The following DNAH8 variants were observed in gnomAD, a reference collection of about 807,000 sequenced individuals.
DNAH8 encodes the protein axonemal beta dynein heavy chain 8.
In DNAH8, 382 loss-of-function variants were observed where a neutral mutation model predicts 562.1. The observed-to-expected ratio is 0.68, with a 90% confidence interval of 0.63 to 0.74. The LOEUF is 0.74. Among genes scored for constraint, DNAH8 ranks in the 30% least tolerant of loss-of-function variants. The probability of loss-of-function intolerance (pLI) is 0.00; values close to 1 mark genes in which losing one functional copy is unlikely to be tolerated. For synonymous variants in DNAH8, 1,881 were observed against 1,919.4 expected (o/e 0.98, Z 0.52); for missense variants, 5,203 against 5,620.4 (o/e 0.93, Z 2.37).
At chr6:38,861,515 T>C (rs1776616592) in intron 43 of DNAH8, among the ~76,000 whole-genome samples, 1 of 152,210 alleles carries the variant, frequency 6.6e-6, no homozygotes, top group African/African-American at 2.4e-5. Context: ...TTATTTACAG[T>C]GGTGTGCTGG....
rs777914905 is a variant in DNAH8 at position 38,845,699 on chromosome 6, A to G, written c.4971A>G (p.Lys1657=). The G allele has an allele frequency of 3.1e-6, 5 of 1,614,062 alleles. No individual in the cohort carries two copies. Among genetic ancestry groups the G allele is most frequent in the Admixed American group, 1.7e-5 (1 of 60,012 alleles). The change falls in exon 36 of 93, where the codon AAA becomes AAG. Residue 1657 remains lysine (K), a synonymous_variant. Transcript: ENST00000327475. The stretch of plus-strand genomic sequence containing the variant: ...AGGGAAAAGGAGAGCTCCTGCTCAA[A>G]GGAACCGAATCGGGAGAAATTATCA... The part of the protein sequence containing the change: ...AFKGKGELLL[K]GTESGEIITL...
chr6:38,782,260 TTTTATTTATTTTTTAAATATTTA>T (rs1245942017), intron 16 of DNAH8, among the ~76,000 whole-genome samples: 1 of 136,466 alleles, frequency 7.3e-6, no homozygotes, highest in Non-Finnish European at 1.5e-5. Context: ...AATAAAGAAA[TTTTATTTATTTTTTAAATATTTA>T]TTTATTTATT....
Position 38,951,534 on chromosome 6 carries a change from T to G in DNAH8, c.12451+14T>G. On this transcript the variant is annotated intron_variant, in intron 82 of 92. Coordinates refer to ENST00000327475, the MANE Select transcript of DNAH8 (RefSeq NM_001206927.2). ...AACTGAAACTGGGTAAGACTAGCAATCTACAAAATGTAGCAACACTTCCAT... is the reference window on the plus strand; with the variant it reads ...AACTGAAACTGGGTAAGACTAGCAAGCTACAAAATGTAGCAACACTTCCAT... The G allele has an allele frequency of 6.3e-7, 1 of 1,597,732 alleles. No homozygotes were observed. Among genetic ancestry groups the G allele is most frequent in the Non-Finnish European group, 8.5e-7 (1 of 1,170,322 alleles).
chr6:38,904,973 G>GATCTGGAC (rs1417383445), intron 62 of DNAH8, among the ~76,000 whole-genome samples: 4 of 152,086 alleles, frequency 2.6e-5, no homozygotes, highest in African/African-American at 9.7e-5. Context: ...GAGAGGTCAG[G>GATCTGGAC]ATCTGGACAA....
Position 38,848,700 on chromosome 6 carries a change from A to G in DNAH8, c.5098A>G (p.Thr1700Ala), listed in dbSNP as rs1188062472. Residue 1700 changes from threonine to alanine, a missense_variant, in exon 37 of 93, where the codon ACT becomes GCT. By Grantham distance (58) the Thr-to-Ala change is moderately conservative. Around this residue, in one of 6 missense-constraint regions of DNAH8, gnomAD observed 2,176 missense variants for 2,365.1 expected, o/e 0.92. Coordinates refer to ENST00000327475, the MANE Select transcript of DNAH8 (RefSeq NM_001206927.2). ...NIQNWVYKLSTSSDIIEEWLV... is the reference protein window; with the variant it reads ...NIQNWVYKLSASSDIIEEWLV... The stretch of plus-strand genomic sequence containing the variant: ...CCAGAATTGGGTGTATAAATTGTCC[A>G]CTTCCTCAGATATAATTGAAGAGTG... 10 of 1,612,430 alleles carry G rather than the reference A, an allele frequency of 6.2e-6. No individual in the cohort carries two copies. Among genetic ancestry groups the G allele is most frequent in the Admixed American group, 3.3e-5 (2 of 59,970 alleles).
Position 38,921,391 on chromosome 6 carries a change from G to T in DNAH8, c.10547G>T (p.Gly3516Val), listed in dbSNP as rs751256547. Residue 3516 changes from glycine to valine, a missense_variant, in exon 71 of 93, where the codon GGC becomes GTC. Transcript: ENST00000327475. ...CAGGCCAACCTGGCCAAGCAGGAAG[G>T]CCGGTTAGCAGTTGCTAATGCTGAG... ...PLKANLAKQE[G>V]RLAVANAELG... 14 of 1,613,638 alleles carry T rather than the reference G, an allele frequency of 8.7e-6. No homozygotes were observed. Among genetic ancestry groups the T allele is most frequent in the Non-Finnish European group, 1.1e-5 (13 of 1,179,816 alleles).
chr6:38,799,931 A>T (rs566762986), intron 21 of DNAH8, among the ~76,000 whole-genome samples: 36 of 152,312 alleles, frequency 2.4e-4, no homozygotes, highest in African/African-American at 8.7e-4. Flanking sequence ...TAGCCTATAT[A>T]TCAGAACTTA....
intron 21 of DNAH8, among the ~76,000 whole-genome samples, chr6:38,797,652 A>G (rs887737272): frequency 1.3e-5 from 2 of 152,208 alleles, no homozygotes; most frequent in Admixed American, 6.5e-5. Context: ...CTGCAAAGTC[A>G]TAAAGTAGAT....
intron 82 of DNAH8, among the ~76,000 whole-genome samples, chr6:38,961,527 A>T (rs1762602572): frequency 6.6e-6 from 1 of 152,052 alleles, no homozygotes; most frequent in African/African-American, 2.4e-5. Context: ...GTTGGAACAC[A>T]TGGGCAAATA....
At chr6:39,021,845 C>T (rs1004830855) in intron 91 of DNAH8, among the ~76,000 whole-genome samples, 2 of 152,134 alleles carry the variant, frequency 1.3e-5, no homozygotes, top group African/African-American at 4.8e-5. Flanking sequence ...AAATGCCAAC[C>T]AACTCCTTAT....
intron 74 of DNAH8, among the ~76,000 whole-genome samples, chr6:38,927,468 A>G (rs1561873507): frequency 6.6e-6 from 1 of 152,198 alleles, no homozygotes. Context: ...CCTAGAATGG[A>G]CCAGGCAATG....
intron 26 of DNAH8, among the ~76,000 whole-genome samples, chr6:38,821,799 C>T (rs944205015): frequency 1.3e-5 from 2 of 152,278 alleles, no homozygotes; most frequent in Non-Finnish European, 2.9e-5. Flanking sequence ...TGGACTCAAA[C>T]GATCTCCCCG....
intron 33 of DNAH8, 92 bp from the exon 34 acceptor site, chr6:38,842,276 G>A: frequency 9.7e-7 from 1 of 1,035,098 alleles, no homozygotes; most frequent in East Asian, 2.4e-5. Flanking sequence ...CGCAATGTAT[G>A]AAATATTTGA....
At chr6:38,775,060 T>C (rs1186739150) in intron 12 of DNAH8, among the ~76,000 whole-genome samples, 2 of 152,202 alleles carry the variant, frequency 1.3e-5, no homozygotes, top group African/African-American at 4.8e-5. Flanking sequence ...TCTCTGAAAA[T>C]AGGTTTATTC....
At chr6:38,860,068 T>C (rs2179713) in intron 42 of DNAH8, among the ~76,000 whole-genome samples, 64,168 of 152,032 alleles carry the variant, frequency 0.42, 14,189 homozygotes, top group East Asian at 0.69. Flanking sequence ...TCCCCGCTCC[T>C]GGTGGCCCTG....
intron 24 of DNAH8, among the ~76,000 whole-genome samples, chr6:38,813,650 G>A (rs566510100): frequency 2.0e-5 from 3 of 152,052 alleles, no homozygotes; most frequent in South Asian, 2.1e-4. Context: ...GTTTAACAAC[G>A]CGGTTTTTGG....
chr6:38,934,104 G>A (rs1017054948), intron 76 of DNAH8, among the ~76,000 whole-genome samples: 2 of 152,154 alleles, frequency 1.3e-5, no homozygotes, highest in Admixed American at 6.6e-5. Flanking sequence ...TGTATTCCTA[G>A]CACTTTGGAA....
At chr6:38,736,409 C>T (rs1781728) in intron 5 of DNAH8, among the ~76,000 whole-genome samples, 39,637 of 151,934 alleles carry the variant, frequency 0.26, 6,033 homozygotes, top group Middle Eastern at 0.35. Context: ...TGACTGATGG[C>T]GCAGAAGCAA....
chr6:38,937,635 T>G (rs1175894726), intron 77 of DNAH8, among the ~76,000 whole-genome samples: 2 of 152,056 alleles, frequency 1.3e-5, no homozygotes, highest in African/African-American at 4.8e-5. Context: ...ACAGTGGGTG[T>G]GAAGCCTATC....
Sources: gnomAD v4.1 joint callset for allele counts (sites outside exome capture counted in the v4.1 genomes callset) on GRCh38, gnomAD v4.1.1 for gene constraint, gnomAD v4.1.1 regional missense constraint, MANE v1.5 for transcripts, NCBI Gene and HGNC (gene_info 2026-07-23, HGNC 2026-07-21) for gene names.